The following ADGRL2 variants were observed in gnomAD, a reference collection of about 807,000 sequenced individuals.
The protein encoded by ADGRL2 is calcium-independent alpha-latrotoxin receptor 2.
Under a neutral mutation model 157.4 loss-of-function variants are expected in ADGRL2, and 44 were observed. The observed-to-expected ratio is 0.28, with a 90% confidence interval of 0.22 to 0.36. ADGRL2 has a LOEUF of 0.36. Among genes scored for constraint, ADGRL2 ranks in the 10% least tolerant of loss-of-function variants. The pLI, the probability that ADGRL2 is intolerant of heterozygous loss-of-function variation, is 1.00. For missense variants in ADGRL2, 1,510 were observed against 1,768.9 expected (o/e 0.85, Z 2.63); for synonymous variants, 585 against 624.7 (o/e 0.94, Z 0.95).
intron 3 of ADGRL2, among the ~76,000 whole-genome samples, chr1:81,662,439 G>T (rs978428429): frequency 6.6e-6 from 1 of 151,602 alleles, no homozygotes; most frequent in African/African-American, 2.4e-5. Flanking sequence ...TATTTTTAGT[G>T]GAGACGGGGT....
At chr1:81,422,859 A>T (rs528535086) in intron 1 of ADGRL2, among the ~76,000 whole-genome samples, 1 of 152,312 alleles carries the variant, frequency 6.6e-6, no homozygotes, top group African/African-American at 2.4e-5. Flanking sequence ...AATAAGCAAA[A>T]TGTTTGCTTT....
At chr1:81,939,716 G>T (rs1455369423) in intron 4 of ADGRL2, among the ~76,000 whole-genome samples, 1 of 151,406 alleles carries the variant, frequency 6.6e-6, no homozygotes, top group Non-Finnish European at 1.5e-5. Flanking sequence ...CTTAAGACAA[G>T]TTGTAGTATA....
At chr1:81,504,036 A>C (rs1056629516) in intron 2 of ADGRL2, among the ~76,000 whole-genome samples, 56 of 152,112 alleles carry the variant, frequency 3.7e-4, no homozygotes, top group Non-Finnish European at 2.6e-4. Context: ...CAAGTCTTGA[A>C]TCAGTCCTCA....
intron 1 of ADGRL2, among the ~76,000 whole-genome samples, chr1:81,816,076 A>G (rs1370148446): frequency 6.6e-6 from 1 of 151,848 alleles, no homozygotes; most frequent in East Asian, 1.9e-4. Context: ...GTATTTTTAG[A>G]ATATTGAAAA....
At chr1:81,418,284 T>C (rs1430636971) in intron 1 of ADGRL2, among the ~76,000 whole-genome samples, 1 of 152,230 alleles carries the variant, frequency 6.6e-6, no homozygotes, top group Non-Finnish European at 1.5e-5. Context: ...CACATGATAA[T>C]ATGCCCTTGA....
At chr1:81,792,471 T>C (rs1037432561) in intron 2 of ADGRL2, among the ~76,000 whole-genome samples, 11 of 152,194 alleles carry the variant, frequency 7.2e-5, no homozygotes, top group Admixed American at 3.3e-4. Flanking sequence ...CATGTGCATA[T>C]ATATATTTTT....
chr1:81,989,618 A>G (rs1664163294), intron 23 of ADGRL2: 5 of 1,586,574 alleles, frequency 3.2e-6, no homozygotes, highest in Non-Finnish European at 4.3e-6. Flanking sequence ...ATTCTTCATC[A>G]TGTTACAATA....
At chr1:81,957,245 A>C (rs938476310) in intron 11 of ADGRL2, among the ~76,000 whole-genome samples, 1 of 150,986 alleles carries the variant, frequency 6.6e-6, no homozygotes, top group Non-Finnish European at 1.5e-5. Flanking sequence ...AGAAAATTTC[A>C]TGGGCTGGGT....
chr1:81,316,143 G>GGA (rs1557590142), intron 1 of ADGRL2, among the ~76,000 whole-genome samples: 186 of 150,632 alleles, frequency 1.2e-3, no homozygotes, highest in African/African-American at 4.3e-3. Context: ...AAAAAAAAAA[G>GGA]AAAAAAGAAG....
chr1:81,591,893 A>C (rs1298598625), intron 3 of ADGRL2, among the ~76,000 whole-genome samples: 1 of 152,160 alleles, frequency 6.6e-6, no homozygotes, highest in African/African-American at 2.4e-5. Context: ...GTGACACCCT[A>C]GCCTTAGATG....
At chr1:81,334,572 A>G (rs911672591) in intron 1 of ADGRL2, among the ~76,000 whole-genome samples, 4 of 152,238 alleles carry the variant, frequency 2.6e-5, no homozygotes, top group Admixed American at 2.0e-4. Flanking sequence ...TTACATAAAT[A>G]CATATTTCTT....
intron 1 of ADGRL2, among the ~76,000 whole-genome samples, chr1:81,308,238 T>G (rs150569061): frequency 2.6e-5 from 4 of 152,306 alleles, no homozygotes; most frequent in African/African-American, 9.6e-5. Flanking sequence ...GCTAATTGAA[T>G]TTATCTATTT....
chr1:81,447,973 C>T (rs562211512), intron 2 of ADGRL2, among the ~76,000 whole-genome samples: 1 of 151,926 alleles, frequency 6.6e-6, no homozygotes, highest in Non-Finnish European at 1.5e-5. Flanking sequence ...CCTCCCCTGT[C>T]TCTTCCTCCT....
At chr1:81,383,286 A>G (rs2076374265) in intron 1 of ADGRL2, among the ~76,000 whole-genome samples, 1 of 152,176 alleles carries the variant, frequency 6.6e-6, no homozygotes, top group Non-Finnish European at 1.5e-5. Context: ...GTTCCACTGA[A>G]ACATCTCACT....
intron 11 of ADGRL2, among the ~76,000 whole-genome samples, chr1:81,957,383 C>T (rs2149160057): frequency 6.6e-6 from 1 of 152,140 alleles, no homozygotes; most frequent in East Asian, 1.9e-4. Context: ...TTTTCTAGTA[C>T]CTATGTTTTT....
At chr1:81,579,933 T>G (rs555073014) in intron 2 of ADGRL2, among the ~76,000 whole-genome samples, 1 of 152,296 alleles carries the variant, frequency 6.6e-6, no homozygotes, top group East Asian at 1.9e-4. Flanking sequence ...TGGCATTCCA[T>G]TTTTACAGGG....
chr1:81,312,892 T>C (rs1400074592), intron 1 of ADGRL2, among the ~76,000 whole-genome samples: 3 of 152,242 alleles, frequency 2.0e-5, no homozygotes, highest in African/African-American at 7.2e-5. Context: ...GAAAACATAA[T>C]GAAACAGAAA....
intron 3 of ADGRL2, among the ~76,000 whole-genome samples, chr1:81,619,968 G>A (rs540252632): frequency 2.6e-5 from 4 of 152,104 alleles, no homozygotes; most frequent in Admixed American, 6.6e-5. Context: ...AGTAAGTAAC[G>A]GGTTGTTTTG....
chr1:81,580,645 T>C (rs1374992727), intron 2 of ADGRL2, among the ~76,000 whole-genome samples: 1 of 152,184 alleles, frequency 6.6e-6, no homozygotes, highest in African/African-American at 2.4e-5. Flanking sequence ...ATAGAAGCCC[T>C]TGATGATTAT....
Sources: allele counts gnomAD v4.1 joint callset (sites outside exome capture counted in the v4.1 genomes callset), GRCh38; gene constraint gnomAD v4.1.1; transcripts MANE v1.5; gene names NCBI Gene and HGNC (gene_info 2026-07-23, HGNC 2026-07-21).